The following CRYZL1 variants were observed in gnomAD, a reference collection of about 807,000 sequenced individuals.
The protein encoded by CRYZL1 is crystallin zeta like 1.
A neutral mutation model predicts 50.6 loss-of-function variants in CRYZL1; 34 were observed. The ratio of observed to expected loss-of-function variants is 0.67; its 90% CI spans 0.51 to 0.89. CRYZL1 has a LOEUF of 0.89. CRYZL1 is among the 40% of genes least tolerant of loss of function. The pLI is 0.00. For synonymous variants in CRYZL1, 125 were observed against 134.3 expected, an observed-to-expected ratio of 0.93 and a Z score of 0.48; for missense variants, 354 against 402.3, an observed-to-expected ratio of 0.88 and a Z score of 1.03.
rs2086725576 is a variant in CRYZL1 at position 33,599,180 on chromosome 21, G to GGCCACCTGTTTCTTCCAA, written c.628_645dup (p.Glu211_Leu216dup). 6.2e-7 allele frequency: 1 copy of GGCCACCTGTTTCTTCCAA among 1,613,942 alleles called. No homozygotes were observed. The highest frequency in any genetic ancestry group is 8.5e-7 in the Non-Finnish European group (1 of 1,179,932). ...GCATCTAGGACAATATCTACTCCCA[G>GGCCACCTGTTTCTTCCAA]GCCACCTGTTTCTTCCAAACAGCTT... On this transcript the variant is annotated inframe_insertion, in exon 9 of 13. Transcript: ENST00000381554.
rs1790088822 is a variant in CRYZL1 at position 33,623,992 on chromosome 21, T to C, written c.144+691A>G. ...TAATATTAGTTAAATATCTAATTGG[T>C]AGCTAATAAACTGATTAGGTTTCTA... is the stretch of plus-strand genomic sequence containing the variant. On this transcript the variant is annotated intron_variant, in intron 3 of 12. Transcript: ENST00000381554. Among the ~76,000 whole-genome samples, 5 of 152,302 alleles carry C rather than the reference T, an allele frequency of 3.3e-5. No individual in the cohort carries two copies. The South Asian group carries it at 1.0e-3, about 32-fold the overall frequency.
In CRYZL1 at chr21:33,595,793, G is replaced by A. The variant is rs149023691; in HGVS notation, c.842C>T (p.Thr281Met). ...DSHCLFLKGA[T>M]LAFLNDEVWN... ...AACTTCATCATTCAGGAAAGCTAAC[G>A]TTGCTCCCTTGAGGAAAAGGCAGTG... Residue 281 changes from threonine (T) to methionine (M), a missense_variant, in exon 11 of 13, where the codon ACG becomes ATG. Physicochemically the swap from Thr to Met is moderately conservative, Grantham distance 81 (BLOSUM62 -1). Coordinates refer to ENST00000381554, the MANE Select transcript of CRYZL1 (RefSeq NM_145858.3). The A allele has an allele frequency of 2.7e-5, 43 of 1,613,922 alleles. No individual in the cohort carries two copies. The highest frequency in any genetic ancestry group is 4.0e-5 in the African/African-American group (3 of 74,912).
chr21:33,591,877 G>C (rs2086645893), intron 11 of CRYZL1, among the ~76,000 whole-genome samples: 1 of 151,502 alleles, frequency 6.6e-6, no homozygotes, highest in Non-Finnish European at 1.5e-5. Flanking sequence ...AGGATCCCTT[G>C]AGCACATGGG....
rs1333207427 is a variant in CRYZL1 at position 33,613,591 on chromosome 21, T to A, written c.278A>T (p.Asp93Val). 6.2e-7 allele frequency: 1 copy of A among 1,612,744 alleles called. No homozygotes were observed. The highest frequency in any genetic ancestry group is 8.5e-7 in the Non-Finnish European group (1 of 1,178,872). The change falls in exon 6 of 13, where the codon GAC (aspartate) becomes GTC (valine). Residue 93 changes from aspartate to valine, a missense_variant. Transcript: ENST00000381554. ...DDEVVGILPL[D>V]SEDPGLCEVV... ...TTCACAAAGTCCAGGGTCTTCAGAGTCCAGGGGCAAAATTCCTAAAAATCA... is the reference window on the plus strand; with the variant it reads ...TTCACAAAGTCCAGGGTCTTCAGAGACCAGGGGCAAAATTCCTAAAAATCA...
intron 6 of CRYZL1, among the ~76,000 whole-genome samples, chr21:33,605,694 G>C (rs2086805639): frequency 6.6e-6 from 1 of 150,718 alleles, no homozygotes; most frequent in African/African-American, 2.4e-5. Flanking sequence ...GCTAATTTTT[G>C]TATTTTTTTA....
At chr21:33,590,378 G>A (rs1256060257) in intron 12 of CRYZL1, among the ~76,000 whole-genome samples, 1 of 151,910 alleles carries the variant, frequency 6.6e-6, no homozygotes, top group Non-Finnish European at 1.5e-5. Flanking sequence ...AATGTTAAAA[G>A]TGGTTAAGTT....
At position 33,628,714 on chromosome 21, in the gene CRYZL1, G is replaced by A. The variant is rs557088808; in HGVS notation, c.66+2772C>T. ...CCTCCTGGGCTCAAGTGATCCTTCC[G>A]CCTTAGCCTCCCAAGTAGCTGGGAC... is the stretch of plus-strand genomic sequence containing the variant. On this transcript the variant is annotated intron_variant, in intron 2 of 12. Coordinates refer to ENST00000381554, the MANE Select transcript of CRYZL1 (RefSeq NM_145858.3). 6.7e-5 allele frequency among the ~76,000 whole-genome samples: 10 copies of A among 149,732 alleles called. No individual in the cohort carries two copies. In the South Asian group the frequency reaches 1.9e-3, roughly 28 times the overall value.
intron 1 of CRYZL1, chr21:33,641,143 G>A: frequency 1.3e-6 from 2 of 1,548,784 alleles, no homozygotes; most frequent in South Asian, 1.2e-5. Context: ...GCAGATGTTC[G>A]GCCCCGACCC....
chr21:33,632,775 G>A (rs759765188), intron 1 of CRYZL1, among the ~76,000 whole-genome samples: 1 of 152,140 alleles, frequency 6.6e-6, no homozygotes, highest in Non-Finnish European at 1.5e-5. Context: ...AAATTTTACA[G>A]AAGTATAAAA....
chr21:33,639,827 T>TA (rs2087256260), intron 1 of CRYZL1: 1 of 118,806 alleles, frequency 8.4e-6, no homozygotes, highest in African/African-American at 3.4e-5. Context: ...AGATGTGTAT[T>TA]TTTTTTTTTT....
intron 4 of CRYZL1, among the ~76,000 whole-genome samples, chr21:33,619,788 T>C (rs1335645567): frequency 1.3e-5 from 2 of 152,194 alleles, no homozygotes; most frequent in Non-Finnish European, 2.9e-5. Flanking sequence ...ACCAAACTCT[T>C]TGTAATTCTT....
At chr21:33,612,589 G>A (rs907300447) in intron 6 of CRYZL1, among the ~76,000 whole-genome samples, 5 of 152,114 alleles carry the variant, frequency 3.3e-5, no homozygotes, top group Non-Finnish European at 5.9e-5. Flanking sequence ...GCGCCTGGCT[G>A]ATGGTCAGAC....
In CRYZL1 at chr21:33,622,065, G is replaced by A. The variant is rs756178055; in HGVS notation, c.148C>T (p.Leu50=). Residue 50 remains leucine, a synonymous_variant, in exon 4 of 13, where the codon CTG becomes TTG. Coordinates refer to ENST00000381554, the MANE Select transcript of CRYZL1 (RefSeq NM_145858.3). ...TCCTTTTTCATCTTCATTTCTGCCA[G>A]AAGCTAAATCATGACAAAGGCAGTT... The part of the protein sequence containing the change: ...CALSQINTKL[L]AEMKMKKDLF... 1.7e-5 allele frequency: 28 copies of A among 1,612,216 alleles called. No individual in the cohort carries two copies. Among genetic ancestry groups the A allele is most frequent in the Middle Eastern group, 3.3e-4 (2 of 6,054 alleles).
At chr21:33,623,370 G>A (rs917949293) in intron 3 of CRYZL1, among the ~76,000 whole-genome samples, 13 of 151,968 alleles carry the variant, frequency 8.6e-5, no homozygotes, top group African/African-American at 3.1e-4. Flanking sequence ...TACCCACACA[G>A]TTTTCATAAC....
chr21:33,597,534 T>G (rs575836446), intron 9 of CRYZL1, 133 bp from the exon 10 acceptor site: 2 of 685,590 alleles, frequency 2.9e-6, no homozygotes. Context: ...CAGGCTGGCC[T>G]GGACTCCAGC....
chr21:33,597,237 C>G (rs780349758), intron 10 of CRYZL1, 43 bp downstream of exon 10: 2 of 1,591,954 alleles, frequency 1.3e-6, no homozygotes, highest in Non-Finnish European at 1.7e-6. Context: ...GTTAATTACA[C>G]CCCTTTGGTG....
chr21:33,596,082 G>C, intron 10 of CRYZL1: 1 of 609,666 alleles, frequency 1.6e-6, no homozygotes, highest in South Asian at 1.7e-5. Context: ...AAGTGGTAGG[G>C]GTGTGTGTGT....
At chr21:33,631,637 G>T in intron 1 of CRYZL1, 80 bp from the exon 2 acceptor site, 1 of 909,984 alleles carries the variant, frequency 1.1e-6, no homozygotes, top group Non-Finnish European at 1.5e-6. Context: ...AAACAGTGCT[G>T]GCAAAGGATA....
intron 8 of CRYZL1, among the ~76,000 whole-genome samples, chr21:33,599,756 C>G (rs1421820832): frequency 6.6e-6 from 1 of 151,978 alleles, no homozygotes; most frequent in Non-Finnish European, 1.5e-5. Flanking sequence ...CCTAGCCTCC[C>G]AAGTAGCTAG....
Sources: gnomAD v4.1 joint callset for allele counts (sites outside exome capture counted in the v4.1 genomes callset) on GRCh38, gnomAD v4.1.1 for gene constraint, MANE v1.5 for transcripts, NCBI Gene and HGNC (gene_info 2026-07-23, HGNC 2026-07-21) for gene names.